The following RAB10 variants were observed in gnomAD, a reference collection of about 807,000 sequenced individuals.
The protein encoded by RAB10 is ras-related protein Rab-10.
In RAB10, 5 loss-of-function variants were observed where a neutral mutation model predicts 25.7. The ratio of observed to expected loss-of-function variants is 0.19; its 90% CI spans 0.10 to 0.41. The LOEUF (loss-of-function observed/expected upper bound fraction) is 0.41, where lower values mean the gene tolerates loss of function less well. Ranked by LOEUF, RAB10 falls within the 10% of genes least tolerant of loss-of-function variation. The pLI is 1.00. For missense variants in RAB10, 103 were observed against 245.8 expected (o/e 0.42, Z 3.89); for synonymous variants, 89 against 86.4 (o/e 1.03, Z -0.16).
At chr2:26,121,305 C>T (rs1444716989) in intron 3 of RAB10, among the ~76,000 whole-genome samples, 1 of 152,166 alleles carries the variant, frequency 6.6e-6, no homozygotes, top group Non-Finnish European at 1.5e-5. Flanking sequence ...TGTCTACCCC[C>T]TTTTAAACTG....
rs543765299 is a variant in RAB10 at position 26,057,415 on chromosome 2, G to A, written c.127+22680G>A. On this transcript the variant is annotated intron_variant, in intron 1 of 5. Transcript: ENST00000264710. ...TGAATAGCCATTGCATTCCAGCCTG[G>A]GCAACATAGACAGTCTCTAAAAAAA... Among the ~76,000 whole-genome samples the A allele has an allele frequency of 7.3e-5, 11 of 150,636 alleles. No homozygotes were observed. The South Asian group carries it at 2.3e-3, about 31-fold the overall frequency.
chr2:26,106,782 G>C (rs1487351128), intron 2 of RAB10, among the ~76,000 whole-genome samples: 1 of 151,920 alleles, frequency 6.6e-6, no homozygotes. Flanking sequence ...CTCTTTGGGA[G>C]GCTGAGGTTG....
chr2:26,051,081 G>A (rs984623098), intron 1 of RAB10, among the ~76,000 whole-genome samples: 34 of 151,948 alleles, frequency 2.2e-4, no homozygotes, highest in African/African-American at 8.0e-4. Context: ...AGGACTACAG[G>A]CATGTGCCAC....
Position 26,043,320 on chromosome 2 carries a change from G to A in RAB10, c.127+8585G>A, listed in dbSNP as rs566050323. 1.1e-4 allele frequency among the ~76,000 whole-genome samples: 16 copies of A among 152,318 alleles called. No individual in the cohort carries two copies. The South Asian group carries it at 3.3e-3, about 32-fold the overall frequency. On this transcript the variant is annotated intron_variant, in intron 1 of 5. Coordinates refer to ENST00000264710, the MANE Select transcript of RAB10 (RefSeq NM_016131.5). Reference sequence around the variant, plus strand: ...GCCTGTAGTACCAGCTGCTTGGGAGGCTGAGGTGAGAGGATCACTTGAACC... The same window carrying A: ...GCCTGTAGTACCAGCTGCTTGGGAGACTGAGGTGAGAGGATCACTTGAACC...
intron 2 of RAB10, 25 bp downstream of exon 2, chr2:26,098,747 G>A (rs1257416401): frequency 1.3e-6 from 2 of 1,522,326 alleles, no homozygotes; most frequent in Non-Finnish European, 1.8e-6. Flanking sequence ...TTTACTTTAT[G>A]TAGCAGAATG....
At chr2:26,038,520 C>T (rs1160155298) in intron 1 of RAB10, among the ~76,000 whole-genome samples, 1 of 152,028 alleles carries the variant, frequency 6.6e-6, no homozygotes, top group Non-Finnish European at 1.5e-5. Flanking sequence ...TTCATACTTT[C>T]AGGTAAAAAT....
chr2:26,118,332 G>C (rs542999735), intron 3 of RAB10, among the ~76,000 whole-genome samples: 36 of 149,910 alleles, frequency 2.4e-4, no homozygotes, highest in Non-Finnish European at 4.6e-4. Flanking sequence ...CCTTTTTTTT[G>C]AGACCGGGTT....
intron 1 of RAB10, among the ~76,000 whole-genome samples, chr2:26,049,230 C>CCCGT (rs1345356775): frequency 6.9e-6 from 1 of 144,330 alleles, no homozygotes; most frequent in African/African-American, 2.6e-5. Context: ...TCTGATTGCT[C>CCCGT]CCGTACCATT....
At chr2:26,076,413 T>C (rs1666735831) in intron 1 of RAB10, among the ~76,000 whole-genome samples, 1 of 152,132 alleles carries the variant, frequency 6.6e-6, no homozygotes, top group South Asian at 2.1e-4. Flanking sequence ...CCATCACAAT[T>C]TTTTGGGAGT....
At chr2:26,122,824 GAC>G (rs1667833685) in intron 3 of RAB10, among the ~76,000 whole-genome samples, 1 of 152,042 alleles carries the variant, frequency 6.6e-6, no homozygotes, top group Non-Finnish European at 1.5e-5. Context: ...TGCTGACTAA[GAC>G]ACAGCAGACA....
intron 3 of RAB10, among the ~76,000 whole-genome samples, chr2:26,116,722 A>G (rs1344301565): frequency 6.6e-6 from 1 of 151,716 alleles, no homozygotes; most frequent in Non-Finnish European, 1.5e-5. Context: ...GCACCCAGCT[A>G]ATTTTTTGTA....
intron 1 of RAB10, among the ~76,000 whole-genome samples, chr2:26,093,837 A>T (rs2149278468): frequency 6.6e-6 from 1 of 152,336 alleles, no homozygotes; most frequent in Middle Eastern, 3.4e-3. Flanking sequence ...CAATAAAAGG[A>T]CATCTTTTAA....
At chr2:26,101,361 C>T (rs2149281027) in intron 2 of RAB10, 1 of 152,394 alleles carries the variant, frequency 6.6e-6, no homozygotes, top group East Asian at 1.9e-4. Flanking sequence ...TTCATGGAGA[C>T]TCCGGTATGG....
intron 3 of RAB10, among the ~76,000 whole-genome samples, chr2:26,113,120 G>T (rs1667608713): frequency 6.6e-6 from 1 of 152,072 alleles, no homozygotes; most frequent in Admixed American, 6.6e-5. Context: ...TTTCTCTGGT[G>T]TATTAAAGGA....
intron 1 of RAB10, among the ~76,000 whole-genome samples, chr2:26,049,826 T>G (rs1347088439): frequency 2.0e-5 from 3 of 152,206 alleles, no homozygotes; most frequent in African/African-American, 7.2e-5. Flanking sequence ...CCTACTATAT[T>G]TCCTTTGTTC....
Position 26,135,296 on chromosome 2 carries a change from CA to C in RAB10, c.*276del. On this transcript the variant is annotated 3_prime_UTR_variant, in exon 6 of 6. Coordinates refer to ENST00000264710, the MANE Select transcript of RAB10 (RefSeq NM_016131.5). ...ACTGCATTTCAGTTGTATTATAGTC[CA>C]GTTCTTATCAACATTAAAACCTATA... 3.1e-6 allele frequency: 1 copy of C among 321,032 alleles called. No individual in the cohort carries two copies. 19.9% of individuals were successfully genotyped at this position (321,032 alleles called of 1,614,324 possible).
intron 1 of RAB10, among the ~76,000 whole-genome samples, chr2:26,098,109 C>CTTTTTTTTTTT (rs57174956): frequency 4.9e-4 from 26 of 52,714 alleles, no homozygotes; most frequent in Middle Eastern, 0.022. Flanking sequence ...TTCTTTCTTT[C>CTTTTTTTTTTT]TTTTTTTTTT....
At chr2:26,101,983 T>C (rs1022390832) in intron 2 of RAB10, 2 of 152,302 alleles carry the variant, frequency 1.3e-5, no homozygotes, top group African/African-American at 4.8e-5. Context: ...GTAACCCACC[T>C]TGGTGACAGA....
intron 1 of RAB10, among the ~76,000 whole-genome samples, chr2:26,061,092 C>CTTTTTTTTT (rs5829993): frequency 2.5e-4 from 21 of 83,626 alleles, no homozygotes; most frequent in South Asian, 1.1e-3. Flanking sequence ...TTATCTCTGT[C>CTTTTTTTTT]TTTTTTTTTT....
Sources: gnomAD v4.1 joint callset for allele counts (sites outside exome capture counted in the v4.1 genomes callset) on GRCh38, gnomAD v4.1.1 for gene constraint, MANE v1.5 for transcripts, NCBI Gene and HGNC (gene_info 2026-07-23, HGNC 2026-07-21) for gene names.